Variants in ERC1 observed in about 807,000 individuals in gnomAD.
ERC1 encodes ELKS/RAB6-interacting/CAST family member 1.
In ERC1, 56 loss-of-function variants were observed where a neutral mutation model predicts 132.0. The observed-to-expected ratio is 0.42, with a 90% confidence interval of 0.34 to 0.53. The LOEUF is 0.53. Ranked by LOEUF, ERC1 falls within the 20% of genes least tolerant of loss-of-function variation. The pLI is 0.03. For missense variants in ERC1, 1,202 were observed against 1,349.9 expected, an observed-to-expected ratio of 0.89 and a Z score of 1.72; for synonymous variants, 478 against 476.1, an observed-to-expected ratio of 1.00 and a Z score of -0.05.
intron 16 of ERC1, chr12:1,381,168 C>T (rs2088608520): frequency 6.6e-6 from 1 of 152,250 alleles, no homozygotes; most frequent in Non-Finnish European, 1.5e-5. Context: ...CTGCTGTGCA[C>T]ATCAGCATCA....
rs1468048052 is a variant in ERC1 at position 1,068,661 on chromosome 12, G to A, written c.670-14503G>A. On this transcript the variant is annotated intron_variant, in intron 2 of 18. Coordinates refer to ENST00000360905, the MANE Select transcript of ERC1 (RefSeq NM_178040.4). ...TTTTATTGATAATTTTGTTTTTTAA[G>A]TGAACAAAACCTCAAAATATACTAG... Among the ~76,000 whole-genome samples, 3 of 152,044 alleles carry A rather than the reference G, an allele frequency of 2.0e-5. No individual in the cohort carries two copies. The East Asian group carries it at 5.8e-4, about 29-fold the overall frequency.
At chr12:1,133,370 T>A (rs1948958662) in intron 7 of ERC1, among the ~76,000 whole-genome samples, 1 of 152,168 alleles carries the variant, frequency 6.6e-6, no homozygotes, top group Non-Finnish European at 1.5e-5. Flanking sequence ...GTCACCAGAT[T>A]CAGTAAGCAC....
At chr12:1,299,702 C>T (rs570987040) in intron 15 of ERC1, among the ~76,000 whole-genome samples, 17 of 151,132 alleles carry the variant, frequency 1.1e-4, no homozygotes, top group Admixed American at 3.3e-4. Context: ...AATTCATAAC[C>T]GGGTTCTTTA....
chr12:1,201,774 T>G (rs924673745), intron 12 of ERC1, among the ~76,000 whole-genome samples: 1 of 152,226 alleles, frequency 6.6e-6, no homozygotes, highest in African/African-American at 2.4e-5. Context: ...GTATGCAAGA[T>G]TGACATAAAC....
intron 8 of ERC1, among the ~76,000 whole-genome samples, chr12:1,165,976 C>T (rs1025132874): frequency 1.3e-5 from 2 of 152,144 alleles, no homozygotes; most frequent in African/African-American, 4.8e-5. Flanking sequence ...AACCAGTAAC[C>T]TCCTTTTTGT....
chr12:1,217,843 A>G (rs1244245754), intron 12 of ERC1, among the ~76,000 whole-genome samples: 1 of 152,062 alleles, frequency 6.6e-6, no homozygotes, highest in Non-Finnish European at 1.5e-5. Context: ...CTTTTGTCAC[A>G]CTTGCTTGCA....
intron 12 of ERC1, among the ~76,000 whole-genome samples, chr12:1,228,805 TAGTG>T (rs537818981): frequency 8.5e-4 from 130 of 152,226 alleles, no homozygotes; most frequent in Non-Finnish European, 1.5e-3. Context: ...TTCATTCTGT[TAGTG>T]TGGTGTATGA....
intron 16 of ERC1, among the ~76,000 whole-genome samples, chr12:1,374,824 ATTTTTTT>A (rs5795968): frequency 1.3e-4 from 16 of 124,548 alleles, no homozygotes; most frequent in East Asian, 2.5e-4. Context: ...ACAGGCTGGG[ATTTTTTT>A]TTTTTTTTTT....
chr12:1,163,675 C>T (rs969971198), intron 8 of ERC1, among the ~76,000 whole-genome samples: 1 of 152,116 alleles, frequency 6.6e-6, no homozygotes, highest in African/African-American at 2.4e-5. Flanking sequence ...ATTCTCTTTG[C>T]TCCTTAGCCT....
chr12:1,220,442 C>T (rs2154295026), intron 12 of ERC1, among the ~76,000 whole-genome samples: 1 of 152,284 alleles, frequency 6.6e-6, no homozygotes, highest in Non-Finnish European at 1.5e-5. Flanking sequence ...GTTGAGAATG[C>T]ATGCTAGTTT....
At chr12:1,244,168 G>A (rs1214412635) in intron 13 of ERC1, among the ~76,000 whole-genome samples, 4 of 152,122 alleles carry the variant, frequency 2.6e-5, no homozygotes, top group Admixed American at 2.6e-4. Flanking sequence ...GAAGTATTCT[G>A]TATTATTGTT....
intron 3 of ERC1, among the ~76,000 whole-genome samples, chr12:1,094,823 G>T (rs1350583663): frequency 2.0e-5 from 3 of 152,142 alleles, no homozygotes; most frequent in Admixed American, 6.6e-5. Context: ...GTACAATGGT[G>T]TGTGACACTG....
In ERC1 at chr12:1,084,984, T is replaced by C. The variant is rs763495154; in HGVS notation, c.1086+1404T>C. Among the ~76,000 whole-genome samples, 2 of 67,714 alleles carry C rather than the reference T, an allele frequency of 3.0e-5. 1 individual carries two copies. Among genetic ancestry groups the C allele is most frequent in the Non-Finnish European group, 7.6e-5 (2 of 26,302 alleles). The allele number at this position is 67,714 out of a possible 152,430, so 44.4% of individuals were successfully genotyped here. The stretch of plus-strand genomic sequence containing the variant: ...CTGAAAGTGCTGACATTACAGGCAA[T>C]ATGCCTATGCCTGGCCCATTATTAT... On this transcript the variant is annotated intron_variant, in intron 3 of 18. Coordinates refer to ENST00000360905, the MANE Select transcript of ERC1 (RefSeq NM_178040.4).
chr12:1,244,530 GTT>G, intron 13 of ERC1: 1 of 416,588 alleles, frequency 2.4e-6, no homozygotes, highest in Non-Finnish European at 4.7e-6. Flanking sequence ...TTGTTTGTTT[GTT>G]TGTTTTTAAG....
At chr12:1,236,473 C>A (rs1305265178) in intron 12 of ERC1, among the ~76,000 whole-genome samples, 1 of 152,124 alleles carries the variant, frequency 6.6e-6, no homozygotes, top group African/African-American at 2.4e-5. Context: ...AAATCTCTGA[C>A]TTGGTTTCTT....
chr12:1,005,155 A>G (rs1481369384), intron 1 of ERC1, among the ~76,000 whole-genome samples: 1 of 152,050 alleles, frequency 6.6e-6, no homozygotes, highest in Non-Finnish European at 1.5e-5. Flanking sequence ...TTTTAAAGAA[A>G]TCTTTATTTA....
chr12:1,461,244 G>A (rs1269726976), intron 18 of ERC1, among the ~76,000 whole-genome samples: 1 of 152,024 alleles, frequency 6.6e-6, no homozygotes, highest in East Asian at 1.9e-4. Context: ...TAGCCATATG[G>A]ATTATATATG....
chr12:1,203,161 G>A (rs117695511), intron 12 of ERC1, among the ~76,000 whole-genome samples: 4,703 of 152,278 alleles, frequency 0.031, 113 homozygotes, highest in East Asian at 0.073. Flanking sequence ...TGGTTCAACC[G>A]ATTCTTGTGC....
At chr12:1,180,453 C>CT in intron 8 of ERC1, 87 bp from the exon 9 acceptor site, 1 of 1,243,502 alleles carries the variant, frequency 8.0e-7, no homozygotes. Flanking sequence ...CCTGAGCTAT[C>CT]TGTTTTCAAA....
Sources: gnomAD v4.1 joint callset for allele counts (sites outside exome capture counted in the v4.1 genomes callset) on GRCh38, gnomAD v4.1.1 for gene constraint, MANE v1.5 for transcripts, NCBI Gene and HGNC (gene_info 2026-07-23, HGNC 2026-07-21) for gene names.